The following SOAT1 variants were observed in gnomAD, a reference collection of about 807,000 sequenced individuals.
SOAT1 encodes the protein sterol O-acyltransferase 1.
A neutral mutation model predicts 69.5 loss-of-function variants in SOAT1; 55 were observed. The observed-to-expected ratio is 0.79, with a 90% CI of 0.64 to 0.99. The LOEUF is 0.99. SOAT1 is among the 50% of genes least tolerant of loss of function. The pLI is 0.00. For synonymous variants in SOAT1, 231 were observed against 224.7 expected (o/e 1.03, Z -0.25); for missense variants, 580 against 669.3 (o/e 0.87, Z 1.47).
Position 179,354,076 on chromosome 1 carries a change from G to A in SOAT1, c.*435G>A, listed in dbSNP as rs911835058. ...AGAAATTTTTTCATGCACACTGTTG[G>A]AATGTATGCTAATTGAACATGCAAT... On this transcript the variant is annotated 3_prime_UTR_variant, in exon 16 of 16. Coordinates refer to ENST00000367619, the MANE Select transcript of SOAT1 (RefSeq NM_003101.6). 6.4e-6 allele frequency: 1 copy of A among 155,952 alleles called. No individual in the cohort carries two copies. The highest frequency in any genetic ancestry group is 2.4e-5 in the African/African-American group (1 of 41,504). 9.7% of individuals were successfully genotyped at this position (155,952 alleles called of 1,614,324 possible).
chr1:179,346,943 G>C (rs1049379056), intron 11 of SOAT1, among the ~76,000 whole-genome samples: 2 of 152,048 alleles, frequency 1.3e-5, no homozygotes, highest in African/African-American at 2.4e-5. Flanking sequence ...AATGTCCTGT[G>C]GGGGAGAGGG....
chr1:179,342,050 A>G, intron 7 of SOAT1, 64 bp from the exon 8 acceptor site: 2 of 1,604,570 alleles, frequency 1.2e-6, no homozygotes, highest in Non-Finnish European at 1.7e-6. Context: ...GCATTTGACT[A>G]ATGGAAAGGA....
intron 15 of SOAT1, among the ~76,000 whole-genome samples, chr1:179,352,901 A>G (rs535647964): frequency 1.3e-5 from 2 of 151,576 alleles, no homozygotes; most frequent in Non-Finnish European, 2.9e-5. Flanking sequence ...CACATGTCAG[A>G]TTTTATTCTC....
chr1:179,335,446 T>C (rs1666113738), intron 3 of SOAT1, 60 bp from the exon 4 acceptor site: 9 of 1,449,666 alleles, frequency 6.2e-6, no homozygotes, highest in Non-Finnish European at 8.5e-6. Flanking sequence ...TTTAGAGAAA[T>C]GCTAATGACT....
intron 14 of SOAT1, 152 bp from the exon 15 acceptor site, chr1:179,351,165 T>TC: frequency 1.7e-6 from 1 of 583,898 alleles, no homozygotes; most frequent in Middle Eastern, 5.1e-4. Context: ...TGCCTCAGCC[T>TC]CCCGAGTGGC....
intron 1 of SOAT1, among the ~76,000 whole-genome samples, chr1:179,298,364 A>G (rs919863790): frequency 6.6e-6 from 1 of 152,156 alleles, no homozygotes; most frequent in Non-Finnish European, 1.5e-5. Flanking sequence ...CTGGGATTAC[A>G]GATGTATTCC....
rs947577008 is a variant in SOAT1 at position 179,337,885 on chromosome 1, C to T, written c.378C>T (p.Arg126=). The change falls in exon 5 of 16, where the codon CGC becomes CGT. Residue 126 remains arginine, a synonymous_variant. Transcript: ENST00000367619. The part of the protein sequence containing the change: ...PEQGKIFIAR[R]SLLDELLEVD... ...AAGGAAAGATTTTTATTGCAAGGCG[C>T]TCTCTCTTAGAGTGAGTATTTTTAG... 5 of 1,608,366 alleles carry T rather than the reference C, an allele frequency of 3.1e-6. No homozygotes were observed. Among genetic ancestry groups the T allele is most frequent in the Non-Finnish European group, 4.2e-6 (5 of 1,176,988 alleles).
At chr1:179,329,166 T>G (rs1256415366) in intron 3 of SOAT1, among the ~76,000 whole-genome samples, 1 of 152,010 alleles carries the variant, frequency 6.6e-6, no homozygotes, top group African/African-American at 2.4e-5. Flanking sequence ...ATCAAACTGA[T>G]GAGTAAGAGT....
In SOAT1 at chr1:179,329,333, CTG is replaced by C. The variant is rs34966444; in HGVS notation, c.177+5840_177+5841del. On this transcript the variant is annotated intron_variant, in intron 3 of 15. Transcript: ENST00000367619. ...CAGCCTGGGAGACAAGAGTGAAACT[CTG>C]TCTCAAAAAAATAAATTAAAAAAAA... Among the ~76,000 whole-genome samples, 1,116 of 151,886 alleles carry C rather than the reference CTG, an allele frequency of 7.3e-3. 9 individuals carry two copies. The highest frequency in any genetic ancestry group is 0.014 in the Middle Eastern group (4 of 294).
intron 3 of SOAT1, among the ~76,000 whole-genome samples, chr1:179,333,523 G>A (rs1666040473): frequency 6.7e-6 from 1 of 148,848 alleles, no homozygotes; most frequent in South Asian, 2.1e-4. Flanking sequence ...CCAACATAGT[G>A]AGACCACATC....
intron 2 of SOAT1, among the ~76,000 whole-genome samples, chr1:179,308,214 C>A (rs7553899): frequency 0.27 from 41,068 of 152,020 alleles, 5,729 homozygotes; most frequent in East Asian, 0.46. Flanking sequence ...CTCTAATATT[C>A]CTACCAGAAA....
chr1:179,334,870 C>T (rs1666092530), intron 3 of SOAT1, among the ~76,000 whole-genome samples: 2 of 151,870 alleles, frequency 1.3e-5, no homozygotes, highest in African/African-American at 4.8e-5. Context: ...ACAAAATTAG[C>T]CAGGTGTGGT....
chr1:179,303,924 T>C (rs935994903), intron 2 of SOAT1, among the ~76,000 whole-genome samples: 4 of 152,252 alleles, frequency 2.6e-5, no homozygotes, highest in Admixed American at 2.6e-4. Context: ...GTTATTTTAA[T>C]TGAAACTTTC....
intron 3 of SOAT1, among the ~76,000 whole-genome samples, chr1:179,327,800 A>C (rs1228714622): frequency 6.6e-6 from 1 of 152,154 alleles, no homozygotes; most frequent in Non-Finnish European, 1.5e-5. Flanking sequence ...TTTTAGTCTG[A>C]AGGGAAGAGG....
chr1:179,326,639 C>T (rs1665803193), intron 3 of SOAT1, among the ~76,000 whole-genome samples: 1 of 150,840 alleles, frequency 6.6e-6, no homozygotes. Flanking sequence ...ATCACTGCAA[C>T]CTCTGCCTCC....
Position 179,353,845 on chromosome 1 carries a change from T to A in SOAT1, c.*204T>A, listed in dbSNP as rs1367368042. On this transcript the variant is annotated 3_prime_UTR_variant, in exon 16 of 16. Coordinates refer to ENST00000367619, the MANE Select transcript of SOAT1 (RefSeq NM_003101.6). The stretch of plus-strand genomic sequence containing the variant: ...TTGTACACTTAAGCAGAGCAGAACT[T>A]TTTTTGTGGGGCTGGGTGGGGGGAG... The A allele has an allele frequency of 5.6e-6, 3 of 539,856 alleles. No individual in the cohort carries two copies. Among genetic ancestry groups the A allele is most frequent in the Non-Finnish European group, 9.7e-6 (3 of 308,432 alleles). 33.4% of individuals were successfully genotyped at this position (539,856 alleles called of 1,614,324 possible).
intron 3 of SOAT1, among the ~76,000 whole-genome samples, chr1:179,326,048 G>A (rs1370077316): frequency 6.6e-6 from 1 of 152,124 alleles, no homozygotes; most frequent in East Asian, 1.9e-4. Flanking sequence ...CTGATGTTAA[G>A]GGAAGTATTG....
chr1:179,318,027 CA>C (rs1225959672), intron 2 of SOAT1, among the ~76,000 whole-genome samples: 1 of 151,708 alleles, frequency 6.6e-6, no homozygotes, highest in African/African-American at 2.4e-5. Context: ...CTTGTCTCTA[CA>C]AAACACTTAA....
intron 14 of SOAT1, among the ~76,000 whole-genome samples, chr1:179,351,052 T>TGAGACAGAG: frequency 4.3e-5 from 2 of 46,770 alleles, no homozygotes; most frequent in African/African-American, 8.0e-5. Flanking sequence ...TTTTTTTTTT[T>TGAGACAGAG]TTTTTTTTGA....
Sources: allele counts gnomAD v4.1 joint callset (sites outside exome capture counted in the v4.1 genomes callset), GRCh38; gene constraint gnomAD v4.1.1; transcripts MANE v1.5; gene names NCBI Gene and HGNC (gene_info 2026-07-23, HGNC 2026-07-21).